The following PDE4D variants were observed in gnomAD, a reference collection of about 807,000 sequenced individuals.
PDE4D encodes 3',5'-cyclic-AMP phosphodiesterase 4D.
In PDE4D, 24 loss-of-function variants were observed where a neutral mutation model predicts 87.4. The observed-to-expected ratio is 0.27, with a 90% CI of 0.20 to 0.39. The LOEUF (loss-of-function observed/expected upper bound fraction) is 0.39, where lower values mean the gene tolerates loss of function less well. PDE4D is among the 10% of genes least tolerant of loss of function. The probability of loss-of-function intolerance (pLI) is 1.00; values close to 1 mark genes in which losing one functional copy is unlikely to be tolerated. For synonymous variants in PDE4D, 384 were observed against 383.2 expected (o/e 1.00, Z -0.02); for missense variants, 714 against 1,041.0 (o/e 0.69, Z 4.32).
At chr5:59,848,236 A>C (rs1398324864) in intron 1 of PDE4D, among the ~76,000 whole-genome samples, 4 of 152,078 alleles carry the variant, frequency 2.6e-5, no homozygotes, top group African/African-American at 9.7e-5. Context: ...TGATAGGTCA[A>C]ATTATCTAAT....
chr5:59,559,978 A>T (rs1388616284), intron 1 of PDE4D, among the ~76,000 whole-genome samples: 19 of 152,202 alleles, frequency 1.2e-4, no homozygotes, highest in Admixed American at 1.2e-3. Flanking sequence ...TACAATTTCA[A>T]GTCTTTAATA....
chr5:60,520,547 C>T (rs1218435958), intron 1 of PDE4D, among the ~76,000 whole-genome samples: 1 of 152,222 alleles, frequency 6.6e-6, no homozygotes, highest in African/African-American at 2.4e-5. Context: ...TCTTGTGAGT[C>T]CAGAAAAGAG....
intron 1 of PDE4D, among the ~76,000 whole-genome samples, chr5:60,394,552 A>G (rs1762763748): frequency 6.6e-6 from 1 of 152,226 alleles, no homozygotes; most frequent in South Asian, 2.1e-4. Context: ...TTCCACTAAT[A>G]TAACATTTTA....
intron 1 of PDE4D, among the ~76,000 whole-genome samples, chr5:59,561,930 CAAAAAAAA>C (rs34711969): frequency 7.2e-6 from 1 of 138,978 alleles, no homozygotes; most frequent in Non-Finnish European, 1.6e-5. Context: ...GAAACGCTGT[CAAAAAAAA>C]AAAAAAAAAT....
chr5:60,171,565 C>T (rs924018138), intron 2 of PDE4D, among the ~76,000 whole-genome samples: 1 of 152,088 alleles, frequency 6.6e-6, no homozygotes, highest in African/African-American at 2.4e-5. Context: ...CTGAAACTCA[C>T]ATAGGCTTTA....
intron 1 of PDE4D, among the ~76,000 whole-genome samples, chr5:59,236,087 T>C (rs1377269920): frequency 6.6e-6 from 1 of 152,218 alleles, no homozygotes; most frequent in Non-Finnish European, 1.5e-5. Context: ...AAGCTGAGGT[T>C]TGGGCTTCTA....
chr5:59,040,159 A>T (rs1275456213), intron 5 of PDE4D: 1 of 152,296 alleles, frequency 6.6e-6, no homozygotes, highest in Non-Finnish European at 1.5e-5. Flanking sequence ...ACCTACTTCA[A>T]GGAGGCAGGG....
At chr5:59,112,803 C>CTTT (rs70973195) in intron 5 of PDE4D, among the ~76,000 whole-genome samples, 1 of 127,244 alleles carries the variant, frequency 7.9e-6, no homozygotes, top group Admixed American at 7.8e-5. Context: ...CTTTTTCTTT[C>CTTT]TTTTTTTTTT....
Position 59,917,901 on chromosome 5 carries a change from G to A in PDE4D, c.272+70587C>T, listed in dbSNP as rs1023525371. ...AAAATAATATAGAATAAAATGTTAC[G>A]ATTGCATCTCTTTTTACAAACTGCT... On this transcript the variant is annotated intron_variant, in intron 3 of 16. Transcript: ENST00000502484. 5.9e-5 allele frequency among the ~76,000 whole-genome samples: 9 copies of A among 151,820 alleles called. 1 individual carries two copies. Among genetic ancestry groups the A allele is most frequent in the Admixed American group, 1.3e-4 (2 of 15,234 alleles).
At chr5:59,493,541 T>C (rs1806611063) in intron 1 of PDE4D, among the ~76,000 whole-genome samples, 1 of 152,220 alleles carries the variant, frequency 6.6e-6, no homozygotes, top group African/African-American at 2.4e-5. Context: ...CTACTCTGTT[T>C]CTCAAGTTAA....
At chr5:60,320,349 G>A (rs1223943590) in intron 1 of PDE4D, among the ~76,000 whole-genome samples, 2 of 152,212 alleles carry the variant, frequency 1.3e-5, no homozygotes, top group Admixed American at 6.5e-5. Context: ...TATTACGGTG[G>A]GAGTGACCTG....
At position 60,206,801 on chromosome 5, in the gene PDE4D, C is replaced by T. The variant is rs1051726262; in HGVS notation, c.-89-21114G>A. Among the ~76,000 whole-genome samples, 7 of 152,206 alleles carry T rather than the reference C, an allele frequency of 4.6e-5. No individual in the cohort carries two copies. In the East Asian group the frequency reaches 1.3e-3, roughly 29 times the overall value. ...TGTAGGGCATCTCTTAATAAAACAA[C>T]CTCTACTCTACAAAGTATAGGCGGG... On this transcript the variant is annotated intron_variant, in intron 1 of 16. Coordinates refer to the PDE4D transcript ENST00000502484.
intron 5 of PDE4D, among the ~76,000 whole-genome samples, chr5:59,045,107 T>TGTG (rs1489002024): frequency 3.3e-5 from 5 of 152,204 alleles, no homozygotes; most frequent in Non-Finnish European, 5.9e-5. Context: ...GAAGGAAGCA[T>TGTG]GTGGGCTATG....
chr5:59,718,153 C>A (rs1369830562), intron 1 of PDE4D, among the ~76,000 whole-genome samples: 1 of 152,136 alleles, frequency 6.6e-6, no homozygotes, highest in Non-Finnish European at 1.5e-5. Flanking sequence ...CAATGCCTCT[C>A]TGATGTTTGG....
chr5:59,262,421 G>C (rs1459056444), intron 1 of PDE4D, among the ~76,000 whole-genome samples: 2 of 151,808 alleles, frequency 1.3e-5, no homozygotes, highest in Admixed American at 6.6e-5. Context: ...CATTATTAAG[G>C]ATTAAGCCTT....
chr5:60,445,743 A>G (rs936052713), intron 1 of PDE4D, among the ~76,000 whole-genome samples: 3 of 152,148 alleles, frequency 2.0e-5, no homozygotes, highest in Non-Finnish European at 4.4e-5. Context: ...GCCCATAGTT[A>G]ATAATACTGT....
At chr5:59,937,874 T>C (rs1541961) in intron 3 of PDE4D, among the ~76,000 whole-genome samples, 133,513 of 152,226 alleles carry the variant, frequency 0.88, 58,728 homozygotes, top group East Asian at 0.98. Context: ...CATACTTAGC[T>C]GCGATCTTAT....
At chr5:60,247,759 GA>G (rs1258882277) in intron 1 of PDE4D, among the ~76,000 whole-genome samples, 1 of 151,822 alleles carries the variant, frequency 6.6e-6, no homozygotes, top group Non-Finnish European at 1.5e-5. Flanking sequence ...CAGAGACAGA[GA>G]AAGGGAGAGA....
At chr5:60,497,604 A>C (rs1384976675) in intron 1 of PDE4D, among the ~76,000 whole-genome samples, 1 of 151,882 alleles carries the variant, frequency 6.6e-6, no homozygotes, top group Non-Finnish European at 1.5e-5. Flanking sequence ...GGGTCTCACT[A>C]TGTTCCCCAG....
Sources: allele counts gnomAD v4.1 joint callset (sites outside exome capture counted in the v4.1 genomes callset), GRCh38; gene constraint gnomAD v4.1.1; transcripts MANE v1.5; gene names NCBI Gene and HGNC (gene_info 2026-07-23, HGNC 2026-07-21).